PTPRD: variants seen among roughly 807,000 people sequenced by gnomAD.
The protein encoded by PTPRD is receptor-type tyrosine-protein phosphatase delta.
In PTPRD, 34 loss-of-function variants were observed where a neutral mutation model predicts 214.5. The ratio of observed to expected loss-of-function variants is 0.16; its 90% CI spans 0.12 to 0.21. The LOEUF (loss-of-function observed/expected upper bound fraction) is 0.21, where lower values mean the gene tolerates loss of function less well. PTPRD is among the 10% of genes least tolerant of loss of function. The pLI is 1.00. For synonymous variants in PTPRD, 1,128 were observed against 845.7 expected, an observed-to-expected ratio of 1.33 and a Z score of -5.79; for missense variants, 2,545 against 2,398.7, an observed-to-expected ratio of 1.06 and a Z score of -1.27.
chr9:10,367,599 A>C (rs1420863590), intron 2 of PTPRD, among the ~76,000 whole-genome samples: 2 of 152,194 alleles, frequency 1.3e-5, no homozygotes, highest in African/African-American at 4.8e-5. Flanking sequence ...AAGTAAAAAG[A>C]ATTAAAGGAG....
intron 3 of PTPRD, among the ~76,000 whole-genome samples, chr9:10,133,188 A>C (rs905026634): frequency 3.3e-5 from 5 of 152,154 alleles, no homozygotes; most frequent in African/African-American, 1.2e-4. Flanking sequence ...GATTTTGGGG[A>C]TGGAGATCAC....
rs998481964 is a variant in PTPRD, at chr9:8,331,862, A to ATGTT, written c.5380-130_5380-127dup. On this transcript the variant is annotated intron_variant, in intron 43 of 45. Transcript: ENST00000381196. ...AAAAAGGGTAGAAAAAGTTAGGAAC[A>ATGTT]TGTTTAAATAGAAACTTAGTTATGG... 9.8e-6 allele frequency: 11 copies of ATGTT among 1,124,942 alleles called. No homozygotes were observed. The Admixed American group carries it at 3.2e-4, about 33-fold the overall frequency. 69.7% of individuals were successfully genotyped at this position (1,124,942 alleles called of 1,614,324 possible).
At chr9:10,538,646 A>C (rs894690463) in intron 2 of PTPRD, among the ~76,000 whole-genome samples, 27 of 151,418 alleles carry the variant, frequency 1.8e-4, no homozygotes, top group African/African-American at 5.6e-4. Context: ...CATTTTGTTA[A>C]GTTCTCCCAT....
At chr9:9,781,169 T>C (rs2098840045) in intron 5 of PTPRD, among the ~76,000 whole-genome samples, 1 of 152,128 alleles carries the variant, frequency 6.6e-6, no homozygotes, top group South Asian at 2.1e-4. Flanking sequence ...AGCCCAGATG[T>C]AAGCTATGGA....
At position 9,222,409 on chromosome 9, in the gene PTPRD, G is replaced by T. The variant is rs77878241; in HGVS notation, c.-202-39046C>A. Among the ~76,000 whole-genome samples, 240 of 152,080 alleles carry T rather than the reference G, an allele frequency of 1.6e-3. 1 individual carries two copies. Among genetic ancestry groups the T allele is most frequent in the Non-Finnish European group, 3.1e-3 (214 of 67,964 alleles). The stretch of plus-strand genomic sequence containing the variant: ...TAGGCATATTTTTCTAGAACACAGG[G>T]AGTGCGACATTACTTATAATGGAAT... On this transcript the variant is annotated intron_variant, in intron 9 of 45. Coordinates refer to ENST00000381196, the MANE Select transcript of PTPRD (RefSeq NM_002839.4).
At chr9:9,946,762 ATGT>A (rs149021743) in intron 4 of PTPRD, among the ~76,000 whole-genome samples, 1,849 of 152,160 alleles carry the variant, frequency 0.012, 19 homozygotes, top group East Asian at 0.06. Flanking sequence ...AAAAGCACAA[ATGT>A]TGTTTTACTT....
chr9:9,235,344 C>T (rs1028609083), intron 9 of PTPRD, among the ~76,000 whole-genome samples: 5 of 152,138 alleles, frequency 3.3e-5, no homozygotes, highest in Non-Finnish European at 7.3e-5. Flanking sequence ...GACACAGCTA[C>T]ACCATATCAG....
chr9:10,482,965 G>C (rs1168863238), intron 2 of PTPRD, among the ~76,000 whole-genome samples: 2 of 152,110 alleles, frequency 1.3e-5, no homozygotes, highest in African/African-American at 4.8e-5. Context: ...CCAAAAAAGA[G>C]CAGAAATAGC....
At chr9:8,339,868 A>T (rs1850810119) in intron 42 of PTPRD, among the ~76,000 whole-genome samples, 1 of 151,626 alleles carries the variant, frequency 6.6e-6, no homozygotes, top group South Asian at 2.1e-4. Flanking sequence ...TCAAAAGTGG[A>T]TCTGGGATTA....
intron 2 of PTPRD, among the ~76,000 whole-genome samples, chr9:10,554,936 A>G (rs767005099): frequency 5.9e-5 from 9 of 152,216 alleles, no homozygotes; most frequent in Non-Finnish European, 8.8e-5. Flanking sequence ...CTGGGATTAC[A>G]GGCGTGAGCC....
chr9:10,169,690 C>G (rs2099188429), intron 3 of PTPRD, among the ~76,000 whole-genome samples: 1 of 152,108 alleles, frequency 6.6e-6, no homozygotes, highest in Admixed American at 6.5e-5. Flanking sequence ...ACAACTTCTT[C>G]TATAGCTGCA....
intron 9 of PTPRD, among the ~76,000 whole-genome samples, chr9:9,234,687 C>CA (rs2099965435): frequency 1.3e-5 from 2 of 152,178 alleles, no homozygotes; most frequent in Admixed American, 1.3e-4. Flanking sequence ...AGGACAGGGG[C>CA]AAAATGCCTT....
At chr9:9,618,071 C>CGAAAAA (rs2095000929) in intron 7 of PTPRD, among the ~76,000 whole-genome samples, 1 of 23,008 alleles carries the variant, frequency 4.3e-5, no homozygotes, top group Non-Finnish European at 7.8e-5. Flanking sequence ...GACTCCATCT[C>CGAAAAA]AAAAAAAAAA....
chr9:9,034,560 G>A (rs2099615631), intron 10 of PTPRD, among the ~76,000 whole-genome samples: 1 of 152,072 alleles, frequency 6.6e-6, no homozygotes, highest in South Asian at 2.1e-4. Context: ...TTTTTTTACT[G>A]AGCTTGTACA....
chr9:10,493,781 T>C (rs2041152030), intron 2 of PTPRD, among the ~76,000 whole-genome samples: 1 of 151,970 alleles, frequency 6.6e-6, no homozygotes, highest in African/African-American at 2.4e-5. Context: ...TTTTCACTTC[T>C]CCCAAGACTC....
At chr9:9,128,489 T>C (rs914757980) in intron 10 of PTPRD, among the ~76,000 whole-genome samples, 5 of 152,198 alleles carry the variant, frequency 3.3e-5, no homozygotes, top group Non-Finnish European at 7.3e-5. Flanking sequence ...AATAACATCA[T>C]GGCCCATTAT....
intron 10 of PTPRD, among the ~76,000 whole-genome samples, chr9:9,032,018 CT>C (rs5896295): frequency 0.33 from 49,511 of 151,416 alleles, 9,177 homozygotes; most frequent in Non-Finnish European, 0.43. Context: ...CTCCTGTAAT[CT>C]TTTTTTTCAT....
At chr9:9,225,691 C>A (rs1313404301) in intron 9 of PTPRD, among the ~76,000 whole-genome samples, 1 of 151,942 alleles carries the variant, frequency 6.6e-6, no homozygotes, top group African/African-American at 2.4e-5. Context: ...AGACTCTGGC[C>A]TTTGAACAGT....
chr9:8,909,268 CATT>C (rs2098730322), intron 11 of PTPRD, among the ~76,000 whole-genome samples: 1 of 152,036 alleles, frequency 6.6e-6, no homozygotes, highest in African/African-American at 2.4e-5. Flanking sequence ...ATGATGCTGG[CATT>C]ATGCTGATAC....
Sources: allele counts gnomAD v4.1 joint callset (sites outside exome capture counted in the v4.1 genomes callset), GRCh38; gene constraint gnomAD v4.1.1; transcripts MANE v1.5; gene names NCBI Gene and HGNC (gene_info 2026-07-23, HGNC 2026-07-21).